The following FOXO1 variants were observed in gnomAD, a reference collection of about 807,000 sequenced individuals.
FOXO1 encodes forkhead box O1.
FOXO1 carries 6 observed loss-of-function variants against 44.1 expected under a neutral mutation model. That is an observed-to-expected ratio of 0.14 (90% CI 0.07 to 0.27). FOXO1 has a LOEUF of 0.27. Among genes scored for constraint, FOXO1 ranks in the 10% least tolerant of loss-of-function variants. FOXO1 has a pLI of 1.00. For synonymous variants in FOXO1, 380 were observed against 362.7 expected (o/e 1.05, Z -0.54); for missense variants, 737 against 888.8 (o/e 0.83, Z 2.17).
chr13:40,630,565 T>A (rs532043621), intron 1 of FOXO1, among the ~76,000 whole-genome samples: 24 of 151,538 alleles, frequency 1.6e-4, no homozygotes, highest in Middle Eastern at 3.4e-3. Context: ...TGAGGCAGGA[T>A]AATTGCTTGA....
chr13:40,635,961 G>GC (rs1877134486), intron 1 of FOXO1, among the ~76,000 whole-genome samples: 2 of 152,224 alleles, frequency 1.3e-5, no homozygotes, highest in East Asian at 3.9e-4. Flanking sequence ...TGTAATCCCA[G>GC]CCCTTTGGGA....
chr13:40,565,069 G>A (rs767475896), intron 1 of FOXO1, among the ~76,000 whole-genome samples: 9 of 147,958 alleles, frequency 6.1e-5, no homozygotes, highest in Non-Finnish European at 1.0e-4. Flanking sequence ...ATGGGCTAAA[G>A]CTTGTCTTTA....
In FOXO1 at chr13:40,560,452, C is replaced by T; in HGVS notation, c.1039G>A (p.Val347Met). ...DLGEGDVHSM[V>M]YPPSAAKMAS... ...ATCTTTGCGGCAGATGGCGGGTACA[C>T]CATAGAATGCACATCCCCTTCTCCA... Residue 347 changes from valine to methionine, a missense_variant, in exon 2 of 3, where the codon GTG becomes ATG. By Grantham distance (21) the Val-to-Met change is conservative. Coordinates refer to ENST00000379561, the MANE Select transcript of FOXO1 (RefSeq NM_002015.4). This position sits in a 1 kb window ranked among gnomAD's most constrained non-coding sequence, Gnocchi z 5.1. 6.2e-7 allele frequency: 1 copy of T among 1,614,108 alleles called. No homozygotes were observed. Among genetic ancestry groups the T allele is most frequent in the Non-Finnish European group, 8.5e-7 (1 of 1,180,010 alleles).
chr13:40,649,828 T>A (rs1877622051), intron 1 of FOXO1, among the ~76,000 whole-genome samples: 1 of 152,170 alleles, frequency 6.6e-6, no homozygotes, highest in African/African-American at 2.4e-5. Context: ...TTATTCCACA[T>A]TCCCCACATT....
At chr13:40,621,581 C>T (rs1454353982) in intron 1 of FOXO1, among the ~76,000 whole-genome samples, 3 of 152,038 alleles carry the variant, frequency 2.0e-5, no homozygotes, top group African/African-American at 7.2e-5. Context: ...TTGCTAGAAC[C>T]AAATAACCTC....
At chr13:40,651,496 C>T (rs1016938336) in intron 1 of FOXO1, among the ~76,000 whole-genome samples, 7 of 150,082 alleles carry the variant, frequency 4.7e-5, no homozygotes. Context: ...TGATAAATTT[C>T]CTTAGTATGA....
chr13:40,574,813 C>A (rs549107905), intron 1 of FOXO1, among the ~76,000 whole-genome samples: 105 of 152,022 alleles, frequency 6.9e-4, no homozygotes, highest in Non-Finnish European at 1.1e-3. Context: ...TCAGTGGTAC[C>A]CTACCACCCC....
At chr13:40,574,097 T>G (rs1874650163) in intron 1 of FOXO1, among the ~76,000 whole-genome samples, 2 of 152,244 alleles carry the variant, frequency 1.3e-5, no homozygotes, top group Non-Finnish European at 2.9e-5. Context: ...ACAAACGTTT[T>G]TTTATCTCTT....
At position 40,665,919 on chromosome 13, in the gene FOXO1, G is replaced by GGCC. The variant is rs1241395005; in HGVS notation, c.291_293dup (p.Ala102dup). On this transcript the variant is annotated inframe_insertion, in exon 1 of 3. Transcript: ENST00000379561. ...ACAGCCCCCCGGTGGCGGCCGCGGC[G>GGCC]GCCGCCGCCGCCACCGCCGCCGCCA... is the stretch of plus-strand genomic sequence containing the variant. 3.2e-5 allele frequency: 38 copies of GGCC among 1,198,884 alleles called. No homozygotes were observed. In the South Asian group the frequency reaches 8.7e-4, roughly 27 times the overall value. 74.3% of individuals were successfully genotyped at this position (1,198,884 alleles called of 1,614,324 possible).
chr13:40,660,010 ACT>A (rs1877986757), intron 1 of FOXO1, among the ~76,000 whole-genome samples: 1 of 152,028 alleles, frequency 6.6e-6, no homozygotes, highest in Non-Finnish European at 1.5e-5. Context: ...TGTCTTCCAC[ACT>A]CTAAGTATTT....
Position 40,584,469 on chromosome 13 carries a change from C to CAAAAAA in FOXO1, c.631-23615_631-23610dup, listed in dbSNP as rs55733141. Among the ~76,000 whole-genome samples the CAAAAAA allele has an allele frequency of 1.3e-3, 80 of 63,112 alleles. 6 individuals carry two copies. The highest frequency in any genetic ancestry group is 1.5e-3 in the Non-Finnish European group (58 of 37,884). The allele number at this position is 63,112 out of a possible 152,430, so 41.4% of individuals were successfully genotyped here. A position where few individuals can be genotyped will look rare whatever the true frequency, so the allele number is the denominator to read the frequency against. ...AGAAATTCTATCTCCACAAAAAATG[C>CAAAAAA]AAAAAAAAAAAAAAAAAAAAAAAAA... On this transcript the variant is annotated intron_variant, in intron 1 of 2. Coordinates refer to ENST00000379561, the MANE Select transcript of FOXO1 (RefSeq NM_002015.4).
chr13:40,657,034 C>G (rs1356030700), intron 1 of FOXO1, among the ~76,000 whole-genome samples: 1 of 152,004 alleles, frequency 6.6e-6, no homozygotes, highest in Admixed American at 6.6e-5. Flanking sequence ...GGGATTTCAC[C>G]GTGTTAGCCA....
chr13:40,594,573 C>A (rs1875506606), intron 1 of FOXO1, among the ~76,000 whole-genome samples: 1 of 152,144 alleles, frequency 6.6e-6, no homozygotes, highest in Non-Finnish European at 1.5e-5. Flanking sequence ...CCTTTCTGTG[C>A]GTTCACCTCA....
intron 1 of FOXO1, among the ~76,000 whole-genome samples, chr13:40,561,201 A>C (rs1457350013): frequency 6.6e-6 from 1 of 151,938 alleles, no homozygotes; most frequent in Non-Finnish European, 1.5e-5. Flanking sequence ...AAATACAAAA[A>C]ATTAGCCAGG....
chr13:40,657,041 G>C (rs1448374439), intron 1 of FOXO1, among the ~76,000 whole-genome samples: 3 of 152,030 alleles, frequency 2.0e-5, no homozygotes, highest in Non-Finnish European at 4.4e-5. Flanking sequence ...CACCGTGTTA[G>C]CCAGGATGGT....
chr13:40,640,038 C>T (rs1260062401), intron 1 of FOXO1, among the ~76,000 whole-genome samples: 1 of 152,208 alleles, frequency 6.6e-6, no homozygotes, highest in African/African-American at 2.4e-5. Flanking sequence ...TGTGACAATA[C>T]TCAAGGTTCT....
chr13:40,665,878 C>G lies in FOXO1; in HGVS notation c.335G>C (p.Gly112Ala). Residue 112 changes from glycine (G) to alanine (A), a missense_variant, in exon 1 of 3, where the codon GGC becomes GCC. Transcript: ENST00000379561. ...TGGGTGCAGGCAGCCCGCCTCCGGG[C>G]CCTGGAAGTCCCCGCACAGCCCCCC... ...ATGGLCGDFQ[G>A]PEAGCLHPAP... The G allele has an allele frequency of 8.8e-7, 1 of 1,141,170 alleles. No homozygotes were observed. Among genetic ancestry groups the G allele is most frequent in the Non-Finnish European group, 1.1e-6 (1 of 932,390 alleles). 70.7% of individuals were successfully genotyped at this position (1,141,170 alleles called of 1,614,324 possible).
intron 1 of FOXO1, among the ~76,000 whole-genome samples, chr13:40,612,496 C>T (rs1192861827): frequency 6.6e-6 from 1 of 152,212 alleles, no homozygotes; most frequent in African/African-American, 2.4e-5. Context: ...TACGTATACA[C>T]ACACGTGCGT....
Position 40,560,309 on chromosome 13 carries a change from T to C in FOXO1, c.1182A>G (p.Ser394=), listed in dbSNP as rs2137822843. ...GCGTCTGCTGCATCATGGTGCCAGG[T>C]GAGGACTGGGTCGAAACAGTTAATG... is the stretch of plus-strand genomic sequence containing the variant. The part of the protein sequence containing the change: ...PTSLTVSTQS[S]PGTMMQQTPC... Residue 394 remains serine (S), a synonymous_variant, in exon 2 of 3, where the codon TCA becomes TCG. Coordinates refer to ENST00000379561, the MANE Select transcript of FOXO1 (RefSeq NM_002015.4). This position sits in a 1 kb window ranked among gnomAD's most constrained non-coding sequence, Gnocchi z 5.1. 6.2e-7 allele frequency: 1 copy of C among 1,614,108 alleles called. No homozygotes were observed. The highest frequency in any genetic ancestry group is 1.7e-5 in the Admixed American group (1 of 60,020).
Sources: allele counts gnomAD v4.1 joint callset (sites outside exome capture counted in the v4.1 genomes callset), GRCh38; gene constraint gnomAD v4.1.1; non-coding constraint Gnocchi (gnomAD v3.1); transcripts MANE v1.5; gene names NCBI Gene and HGNC (gene_info 2026-07-23, HGNC 2026-07-21).